Variants in ADGRL2 observed in about 807,000 individuals in gnomAD.
The protein encoded by ADGRL2 is calcium-independent alpha-latrotoxin receptor 2.
Under a neutral mutation model 157.4 loss-of-function variants are expected in ADGRL2, and 44 were observed. The ratio of observed to expected loss-of-function variants is 0.28; its 90% CI spans 0.22 to 0.36. ADGRL2 has a LOEUF of 0.36. Among genes scored for constraint, ADGRL2 ranks in the 10% least tolerant of loss-of-function variants. The pLI is 1.00. For synonymous variants in ADGRL2, 585 were observed against 624.7 expected, an observed-to-expected ratio of 0.94 and a Z score of 0.95; for missense variants, 1,510 against 1,768.9, an observed-to-expected ratio of 0.85 and a Z score of 2.63.
Position 81,974,467 on chromosome 1 carries a change from G to A in ADGRL2, c.3021+2549G>A, listed in dbSNP as rs115388180. Among the ~76,000 whole-genome samples the A allele has an allele frequency of 3.6e-3, 549 of 152,244 alleles. 7 individuals are homozygous for A. The highest frequency in any genetic ancestry group is 0.012 in the African/African-American group (518 of 41,546). ...GTCTTCTTCAGAGAACACCTCTCTG[G>A]CTGCTAGTCCCAGGGAGAAATAGGT... On this transcript the variant is annotated intron_variant, in intron 17 of 23. Coordinates refer to ENST00000686636, the MANE Select transcript of ADGRL2 (RefSeq NM_001366006.2).
intron 2 of ADGRL2, among the ~76,000 whole-genome samples, chr1:81,888,576 C>G (rs1434394363): frequency 1.3e-5 from 2 of 152,054 alleles, no homozygotes; most frequent in Non-Finnish European, 2.9e-5. Context: ...GTAGCTAGGA[C>G]TACAGGCGCC....
At chr1:81,421,415 G>A (rs1052176312) in intron 1 of ADGRL2, among the ~76,000 whole-genome samples, 37 of 152,248 alleles carry the variant, frequency 2.4e-4, no homozygotes, top group African/African-American at 7.5e-4. Context: ...CCCTTTCATC[G>A]ACTTGCATTA....
intron 1 of ADGRL2, among the ~76,000 whole-genome samples, chr1:81,411,631 G>A (rs900088020): frequency 1.3e-5 from 2 of 152,130 alleles, no homozygotes; most frequent in Non-Finnish European, 2.9e-5. Context: ...GGTGGCTCAC[G>A]CCTGTAATCC....
intron 2 of ADGRL2, among the ~76,000 whole-genome samples, chr1:81,489,812 CAA>C (rs1206057128): frequency 1.3e-5 from 2 of 152,114 alleles, no homozygotes; most frequent in African/African-American, 2.4e-5. Context: ...CCAATATATT[CAA>C]AGTGTTAAAA....
chr1:81,596,976 A>G (rs1409298017), intron 3 of ADGRL2, among the ~76,000 whole-genome samples: 1 of 152,178 alleles, frequency 6.6e-6, no homozygotes, highest in Non-Finnish European at 1.5e-5. Flanking sequence ...GAATATTTGA[A>G]TAACATGATT....
At chr1:81,778,925 T>C (rs774220417) in intron 2 of ADGRL2, among the ~76,000 whole-genome samples, 4 of 152,224 alleles carry the variant, frequency 2.6e-5, no homozygotes, top group Non-Finnish European at 5.9e-5. Context: ...AATAGTAACA[T>C]ATGTTTTATA....
chr1:81,986,770 G>A lies in ADGRL2; in HGVS notation c.3509-131G>A, dbSNP rs1308995605. ...CAAATACAGTCAGAACATTTCAACA[G>A]ATTTTCCATTGCCAACTTGTCCACT... On this transcript the variant is annotated intron_variant, in intron 21 of 23. Transcript: ENST00000686636. The A allele has an allele frequency of 6.0e-6, 5 of 830,262 alleles. No homozygotes were observed. In the African/African-American group the frequency reaches 8.7e-5, roughly 15 times the overall value. The allele number at this position is 830,262 out of a possible 1,614,324, so 51.4% of individuals were successfully genotyped here.
At chr1:81,881,981 T>C (rs2094000314) in intron 2 of ADGRL2, among the ~76,000 whole-genome samples, 1 of 152,188 alleles carries the variant, frequency 6.6e-6, no homozygotes, top group Non-Finnish European at 1.5e-5. Flanking sequence ...CCCCTTTTTT[T>C]CCTGAGTCTA....
intron 2 of ADGRL2, among the ~76,000 whole-genome samples, chr1:81,789,723 AAATGTAAAACAGG>A (rs1430211491): frequency 1.6e-4 from 24 of 146,900 alleles, no homozygotes; most frequent in African/African-American, 5.3e-4. Context: ...AAAAAAAAAG[AAATGTAAAACAGG>A]AATGTAAACA....
In ADGRL2 at chr1:81,942,015, C is replaced by G; in HGVS notation, c.398-19C>G. On this transcript the variant is annotated intron_variant, in intron 4 of 23. Coordinates refer to ENST00000686636, the MANE Select transcript of ADGRL2 (RefSeq NM_001366006.2). ...CCTTGCACCTTTTTTATTTTTCTTC[C>G]TGATGCTTAAAATAGAAGTGGAGCA... 1.3e-6 allele frequency: 1 copy of G among 765,380 alleles called. No individual in the cohort carries two copies. The allele number at this position is 765,380 out of a possible 1,614,324, so 47.4% of individuals were successfully genotyped here.
chr1:81,384,569 T>C (rs1474565260), intron 1 of ADGRL2, among the ~76,000 whole-genome samples: 1 of 152,216 alleles, frequency 6.6e-6, no homozygotes, highest in Admixed American at 6.5e-5. Context: ...TCATTTTTCT[T>C]TGAATTGCGT....
At chr1:81,329,980 T>C (rs1256757586) in intron 1 of ADGRL2, among the ~76,000 whole-genome samples, 8 of 152,204 alleles carry the variant, frequency 5.3e-5, no homozygotes, top group Admixed American at 5.2e-4. Flanking sequence ...GATCAGATTT[T>C]AATTTGAGTA....
intron 17 of ADGRL2, among the ~76,000 whole-genome samples, chr1:81,974,217 C>T (rs1485851887): frequency 6.6e-6 from 1 of 152,140 alleles, no homozygotes; most frequent in Non-Finnish European, 1.5e-5. Flanking sequence ...CCTACTTCTG[C>T]ATTTCTATAG....
At chr1:81,854,850 C>T (rs2093147429) in intron 2 of ADGRL2, among the ~76,000 whole-genome samples, 1 of 152,014 alleles carries the variant, frequency 6.6e-6, no homozygotes, top group Non-Finnish European at 1.5e-5. Flanking sequence ...GCAAATAGGT[C>T]AATGTGTGCC....
chr1:81,622,902 A>C (rs1339485222), intron 3 of ADGRL2, among the ~76,000 whole-genome samples: 1 of 152,220 alleles, frequency 6.6e-6, no homozygotes, highest in Admixed American at 6.5e-5. Flanking sequence ...AATTCATTTA[A>C]TGAATCTGGA....
intron 8 of ADGRL2, among the ~76,000 whole-genome samples, 199 bp from the exon 9 acceptor site, chr1:81,951,758 T>C (rs1254302174): frequency 6.6e-6 from 1 of 151,992 alleles, no homozygotes; most frequent in Non-Finnish European, 1.5e-5. Flanking sequence ...AAATGCCTGG[T>C]TCAGAATTGT....
At chr1:81,559,188 C>A (rs1027589436) in intron 2 of ADGRL2, among the ~76,000 whole-genome samples, 5 of 152,110 alleles carry the variant, frequency 3.3e-5, no homozygotes, top group African/African-American at 1.2e-4. Context: ...TCTGAACTTC[C>A]TTTTCTTTAT....
chr1:81,892,291 C>T (rs1303641496), intron 2 of ADGRL2, among the ~76,000 whole-genome samples: 1 of 152,014 alleles, frequency 6.6e-6, no homozygotes, highest in Non-Finnish European at 1.5e-5. Flanking sequence ...GAATTAAACA[C>T]TTCAGATTTA....
intron 1 of ADGRL2, among the ~76,000 whole-genome samples, chr1:81,733,307 A>G (rs2084786639): frequency 6.6e-6 from 1 of 152,236 alleles, no homozygotes; most frequent in African/African-American, 2.4e-5. Context: ...TACCATAACA[A>G]AATACTATAG....
Sources: gnomAD v4.1 joint callset for allele counts (sites outside exome capture counted in the v4.1 genomes callset) on GRCh38, gnomAD v4.1.1 for gene constraint, MANE v1.5 for transcripts, NCBI Gene and HGNC (gene_info 2026-07-23, HGNC 2026-07-21) for gene names.